SFMBT1: variants seen among roughly 807,000 people sequenced by gnomAD.
SFMBT1 encodes scm-like with four MBT domains protein 1.
SFMBT1 carries 32 observed loss-of-function variants against 108.7 expected under a neutral mutation model. The observed-to-expected ratio is 0.29, with a 90% CI of 0.22 to 0.40. The LOEUF is 0.40. Ranked by LOEUF, SFMBT1 falls within the 10% of genes least tolerant of loss-of-function variation. SFMBT1 has a pLI of 1.00. For missense variants in SFMBT1, 816 were observed against 1,059.6 expected, an observed-to-expected ratio of 0.77 and a Z score of 3.19; for synonymous variants, 348 against 369.5, an observed-to-expected ratio of 0.94 and a Z score of 0.67.
rs1298738082 is a variant in SFMBT1 at position 52,920,551 on chromosome 3, G to C, written c.1358C>G (p.Pro453Arg). 3.7e-6 allele frequency: 6 copies of C among 1,613,030 alleles called. No homozygotes were observed. Among genetic ancestry groups the C allele is most frequent in the Non-Finnish European group, 5.1e-6 (6 of 1,179,350 alleles). Reference protein sequence around the residue: ...CETNGHPLSTPRRARVYKQRK... With the variant: ...CETNGHPLSTRRRARVYKQRK... ...TAGACAGATACCTCGTGCTCGGCGA[G>C]GAGTGCTGAGGGGGTGGCCGTTGGT... The change falls in exon 12 of 21, where the codon CCT (proline) becomes CGT (arginine). Residue 453 changes from proline (P) to arginine (R), a missense_variant. By Grantham distance (103) the Pro-to-Arg change is moderately radical. This residue lies in a region of SFMBT1 where 495 missense variants were observed against 607.4 expected (regional missense o/e 0.81). Coordinates refer to ENST00000394752, the MANE Select transcript of SFMBT1 (RefSeq NM_016329.4).
rs148643590 is a variant in SFMBT1 at position 52,972,630 on chromosome 3, T to C, written c.-130-3372A>G. 2.4e-4 allele frequency among the ~76,000 whole-genome samples: 37 copies of C among 152,122 alleles called. No individual in the cohort carries two copies. The East Asian group carries it at 3.1e-3, about 13-fold the overall frequency. ...CACTAAGAGTTACTCATTTAAGGCC[T>C]GGTGAGGTGGCTCACGCCTGTAATC... On this transcript the variant is annotated intron_variant, in intron 1 of 20. Transcript: ENST00000394752.
intron 4 of SFMBT1, among the ~76,000 whole-genome samples, chr3:52,940,913 G>C (rs1703159776): frequency 6.6e-6 from 1 of 152,184 alleles, no homozygotes; most frequent in Admixed American, 6.5e-5. Flanking sequence ...CACAGCTTTT[G>C]CATTTTTCCT....
intron 1 of SFMBT1, among the ~76,000 whole-genome samples, chr3:53,015,394 A>T (rs9819981): frequency 0.034 from 5,131 of 152,270 alleles, 275 homozygotes; most frequent in African/African-American, 0.11. Flanking sequence ...AAAGTTAAAC[A>T]TAAGAGTTAC....
At position 52,996,060 on chromosome 3, in the gene SFMBT1, G is replaced by A. The variant is rs1698316729; in HGVS notation, c.-130-26802C>T. On this transcript the variant is annotated intron_variant, in intron 1 of 20. Coordinates refer to ENST00000394752, the MANE Select transcript of SFMBT1 (RefSeq NM_016329.4). The stretch of plus-strand genomic sequence containing the variant: ...CACTCTAGCCTGGGCAACAGGGTGA[G>A]ACTCCATCTCAAAAAAAAACAAAAC... Among the ~76,000 whole-genome samples the A allele has an allele frequency of 1.5e-5, 2 of 134,632 alleles. 1 individual carries two copies. Among genetic ancestry groups the A allele is most frequent in the African/African-American group, 5.0e-5 (2 of 39,766 alleles). 88.3% of individuals were successfully genotyped at this position (134,632 alleles called of 152,430 possible). A position where few individuals can be genotyped will look rare whatever the true frequency, so the allele number is the denominator to read the frequency against.
At chr3:53,041,943 T>C (rs1700072247) in intron 1 of SFMBT1, among the ~76,000 whole-genome samples, 1 of 152,154 alleles carries the variant, frequency 6.6e-6, no homozygotes, top group Non-Finnish European at 1.5e-5. Flanking sequence ...AGAAAAATAC[T>C]CTGCCATAAG....
chr3:52,922,516 C>T (rs891050777), intron 10 of SFMBT1, among the ~76,000 whole-genome samples: 1 of 152,010 alleles, frequency 6.6e-6, no homozygotes, highest in Non-Finnish European at 1.5e-5. Flanking sequence ...GGAAAGGAAA[C>T]AACATTTTAT....
At chr3:52,977,225 T>A (rs1042562423) in intron 1 of SFMBT1, among the ~76,000 whole-genome samples, 1 of 152,118 alleles carries the variant, frequency 6.6e-6, no homozygotes, top group Non-Finnish European at 1.5e-5. Flanking sequence ...AAGAAAAAAC[T>A]GGAGGCTGGG....
intron 16 of SFMBT1, among the ~76,000 whole-genome samples, chr3:52,911,859 C>T (rs571718951): frequency 1.3e-4 from 19 of 151,870 alleles, no homozygotes; most frequent in African/African-American, 4.3e-4. Context: ...ACCACGACAC[C>T]TGGCTAATTT....
intron 1 of SFMBT1, among the ~76,000 whole-genome samples, chr3:53,034,733 T>C (rs1008459877): frequency 9.9e-5 from 15 of 151,926 alleles, no homozygotes; most frequent in Non-Finnish European, 7.4e-5. Flanking sequence ...GATCACGAGT[T>C]CGAGACCAGC....
intron 1 of SFMBT1, among the ~76,000 whole-genome samples, chr3:53,011,359 G>C (rs1698937449): frequency 6.6e-6 from 1 of 152,164 alleles, no homozygotes; most frequent in South Asian, 2.1e-4. Context: ...AAGGTGGCAG[G>C]AGGGATCAAT....
At chr3:53,033,793 G>A (rs1699768055) in intron 1 of SFMBT1, among the ~76,000 whole-genome samples, 1 of 150,638 alleles carries the variant, frequency 6.6e-6, no homozygotes, top group African/African-American at 2.5e-5. Context: ...AAATCACCCT[G>A]GCGCAGTGGC....
In SFMBT1 at chr3:52,916,176, T is replaced by C; in HGVS notation, c.1454A>G (p.Asn485Ser). 6.2e-7 allele frequency: 1 copy of C among 1,614,078 alleles called. No individual in the cohort carries two copies. Among genetic ancestry groups the C allele is most frequent in the Non-Finnish European group, 8.5e-7 (1 of 1,179,962 alleles). Reference sequence around the variant, plus strand: ...TGACTCTGTGGAGTTCAGCTCCTGATTCCTCAGGCCCTCGTGGACAGTCCT... The same window carrying C: ...TGACTCTGTGGAGTTCAGCTCCTGACTCCTCAGGCCCTCGTGGACAGTCCT... ...SSRTVHEGLR[N>S]QELNSTESVM... The change falls in exon 14 of 21, where the codon AAT becomes AGT. Residue 485 changes from asparagine to serine, a missense_variant. Physicochemically the swap from Asn to Ser is conservative, Grantham distance 46. Coordinates refer to ENST00000394752, the MANE Select transcript of SFMBT1 (RefSeq NM_016329.4).
intron 10 of SFMBT1, among the ~76,000 whole-genome samples, chr3:52,923,655 G>T (rs1043438932): frequency 1.3e-5 from 2 of 151,532 alleles, no homozygotes; most frequent in South Asian, 4.2e-4. Flanking sequence ...CAAAAGGAAG[G>T]CCGAAAGACA....
intron 1 of SFMBT1, among the ~76,000 whole-genome samples, chr3:53,027,299 C>T (rs1295626343): frequency 6.6e-6 from 1 of 152,184 alleles, no homozygotes; most frequent in Non-Finnish European, 1.5e-5. Context: ...CCCCCACCCC[C>T]GTTAAAACAC....
chr3:53,034,044 T>G (rs1299293590), intron 1 of SFMBT1, among the ~76,000 whole-genome samples: 1 of 119,344 alleles, frequency 8.4e-6, no homozygotes, highest in African/African-American at 3.3e-5. Flanking sequence ...CACTCCAGCC[T>G]GGGCAACAAG....
intron 4 of SFMBT1, among the ~76,000 whole-genome samples, chr3:52,942,917 G>A (rs898860848): frequency 2.8e-4 from 42 of 152,100 alleles, no homozygotes; most frequent in African/African-American, 1.0e-3. Flanking sequence ...GCTTAATTTG[G>A]TTTTTACTCC....
Position 52,913,625 on chromosome 3 carries a change from A to G in SFMBT1, c.1481-8T>C. 1 of 1,612,546 alleles carries G rather than the reference A, an allele frequency of 6.2e-7. No homozygotes were observed. Among genetic ancestry groups the G allele is most frequent in the South Asian group, 1.1e-5 (1 of 90,624 alleles). ...ATTTTCCATTAATCATAACTGGGAA[A>G]TGAAGAAAAACAAATATTCAAAACA... On this transcript the variant is annotated splice_polypyrimidine_tract_variant and splice_region_variant and intron_variant, in intron 14 of 20. Transcript: ENST00000394752.
chr3:53,034,070 CCAAA>C lies in SFMBT1; in HGVS notation c.-131+11742_-131+11745del, dbSNP rs1418754003. Among the ~76,000 whole-genome samples the C allele has an allele frequency of 0.018, 1,254 of 68,184 alleles. 66 individuals are homozygous for C. The South Asian group carries it at 0.3, about 16-fold the overall frequency. 44.7% of individuals were successfully genotyped at this position (68,184 alleles called of 152,430 possible). A position where few individuals can be genotyped will look rare whatever the true frequency, so the allele number is the denominator to read the frequency against. ...GGGCAACAAGAGCAAAACTCTGTCT[CCAAA>C]AAAAAAAAAAAAAAAAAAAAAATCA... On this transcript the variant is annotated intron_variant, in intron 1 of 20. Transcript: ENST00000394752.
chr3:52,956,367 G>A (rs1242049841), intron 2 of SFMBT1, among the ~76,000 whole-genome samples: 1 of 152,242 alleles, frequency 6.6e-6, no homozygotes, highest in African/African-American at 2.4e-5. Context: ...GGCTGAGGCA[G>A]GAGAATTGCT....
Sources: gnomAD v4.1 joint callset for allele counts (sites outside exome capture counted in the v4.1 genomes callset) on GRCh38, gnomAD v4.1.1 for gene constraint, gnomAD v4.1.1 regional missense constraint, MANE v1.5 for transcripts, NCBI Gene and HGNC (gene_info 2026-07-23, HGNC 2026-07-21) for gene names.